The following ZC3H3 variants were observed in gnomAD, a reference collection of about 807,000 sequenced individuals.
ZC3H3 encodes zinc finger CCCH domain-containing protein 3.
Under a neutral mutation model 77.3 loss-of-function variants are expected in ZC3H3, and 36 were observed. The ratio of observed to expected loss-of-function variants is 0.47; its 90% CI spans 0.36 to 0.61. ZC3H3 has a LOEUF of 0.61. ZC3H3 is among the 20% of genes least tolerant of loss of function. ZC3H3 has a pLI of 0.00. For synonymous variants in ZC3H3, 626 were observed against 555.2 expected (o/e 1.13, Z -1.79); for missense variants, 1,331 against 1,312.2 (o/e 1.01, Z -0.22).
chr8:143,453,261 T>A (rs1035659797), intron 9 of ZC3H3, among the ~76,000 whole-genome samples: 1 of 21,452 alleles, frequency 4.7e-5, no homozygotes, highest in Non-Finnish European at 1.2e-4. Context: ...TTTTTTTGTT[T>A]TTTTTTTTAA....
At chr8:143,501,684 C>T (rs541733818) in intron 4 of ZC3H3, among the ~76,000 whole-genome samples, 18 of 150,960 alleles carry the variant, frequency 1.2e-4, no homozygotes, top group African/African-American at 3.7e-4. Context: ...ATTCATCCCA[C>T]GGTCCTCTGA....
chr8:143,447,203 G>T (rs1819881913), intron 9 of ZC3H3, among the ~76,000 whole-genome samples: 1 of 152,162 alleles, frequency 6.6e-6, no homozygotes, highest in Non-Finnish European at 1.5e-5. Flanking sequence ...TTCTCTCCTG[G>T]GGGTGAGGCC....
intron 4 of ZC3H3, among the ~76,000 whole-genome samples, chr8:143,483,570 G>A (rs1221487526): frequency 2.0e-5 from 3 of 152,310 alleles, no homozygotes; most frequent in South Asian, 2.1e-4. Flanking sequence ...GAGCAGAGGC[G>A]TGCAGTGGGG....
At chr8:143,513,851 C>T (rs573354618) in intron 3 of ZC3H3, among the ~76,000 whole-genome samples, 1 of 152,344 alleles carries the variant, frequency 6.6e-6, no homozygotes, top group African/African-American at 2.4e-5. Context: ...TCCTCACAGC[C>T]TTTGCTGAGG....
intron 3 of ZC3H3, chr8:143,523,287 A>G: frequency 1.0e-6 from 1 of 983,914 alleles, no homozygotes; most frequent in Non-Finnish European, 1.2e-6. Flanking sequence ...GGGCTATAGC[A>G]AAGACAGACG....
chr8:143,507,922 A>G (rs1439270513), intron 3 of ZC3H3, 23 bp from the exon 4 acceptor site: 1 of 1,562,746 alleles, frequency 6.4e-7, no homozygotes, highest in Non-Finnish European at 8.7e-7. Flanking sequence ...CCCAGGGCAC[A>G]GACATGGGTC....
intron 2 of ZC3H3, among the ~76,000 whole-genome samples, chr8:143,536,843 G>A (rs1822816392): frequency 6.6e-6 from 1 of 152,122 alleles, no homozygotes; most frequent in Non-Finnish European, 1.5e-5. Context: ...GGCCCCAAGT[G>A]GCCTGCCAAG....
At chr8:143,508,907 C>CAGG (rs776393752) in intron 3 of ZC3H3, among the ~76,000 whole-genome samples, 7 of 152,200 alleles carry the variant, frequency 4.6e-5, no homozygotes, top group Admixed American at 6.5e-5. Flanking sequence ...TGGACAGGAC[C>CAGG]AGTAACTGTT....
chr8:143,487,854 C>A (rs111324022), intron 4 of ZC3H3, among the ~76,000 whole-genome samples: 17 of 7,310 alleles, frequency 2.3e-3, no homozygotes, highest in East Asian at 4.1e-3. Context: ...AGCACCCGCT[C>A]CACGGCCCCA....
At chr8:143,473,791 G>C (rs1820646717) in intron 5 of ZC3H3, among the ~76,000 whole-genome samples, 1 of 152,216 alleles carries the variant, frequency 6.6e-6, no homozygotes, top group Non-Finnish European at 1.5e-5. Context: ...CACTGGTCAG[G>C]GTCCCTGTTG....
At chr8:143,471,973 G>A (rs59809057) in intron 5 of ZC3H3, among the ~76,000 whole-genome samples, 33,430 of 152,248 alleles carry the variant, frequency 0.22, 3,708 homozygotes, top group Middle Eastern at 0.28. Flanking sequence ...CCCAAAGGGC[G>A]AGTGCGGCCT....
Position 143,539,124 on chromosome 8 carries a change from C to G in ZC3H3, c.243G>C (p.Pro81=). The G allele has an allele frequency of 6.2e-7, 1 of 1,612,902 alleles. No individual in the cohort carries two copies. Among genetic ancestry groups the G allele is most frequent in the Non-Finnish European group, 8.5e-7 (1 of 1,179,974 alleles). Residue 81 remains proline, a synonymous_variant, in exon 2 of 12, where the codon CCG becomes CCC. Coordinates refer to ENST00000262577, the MANE Select transcript of ZC3H3 (RefSeq NM_015117.3). ...RKKYSLVNRP[P]GPSDPPADHA... is the part of the protein sequence containing the mutation. ...GGTCGGCAGGAGGGTCTGAGGGTCC[C>G]GGGGGCCGATTCACGAGGGAGTATT...
chr8:143,519,290 G>C (rs913948697), intron 3 of ZC3H3, among the ~76,000 whole-genome samples: 1 of 152,128 alleles, frequency 6.6e-6, no homozygotes, highest in South Asian at 2.1e-4. Flanking sequence ...CCTGGCCAAT[G>C]CCCTGGGGCT....
In ZC3H3 at chr8:143,440,126, A is replaced by G. The variant is rs1478866783; in HGVS notation, c.2730T>C (p.Pro910=). ...GCGAGGACTGCAGGGAGATGAAGGA[A>G]GGCAGCTTGCAGAGCCTGTTGGAGC... ...AACSNRLCKL[P]SFISLQSSPS... Residue 910 remains proline, a synonymous_variant, in exon 11 of 12, where the codon CCT becomes CCC. Transcript: ENST00000262577. 1 of 1,611,196 alleles carries G rather than the reference A, an allele frequency of 6.2e-7. No homozygotes were observed. The highest frequency in any genetic ancestry group is 8.5e-7 in the Non-Finnish European group (1 of 1,179,552).
intron 4 of ZC3H3, among the ~76,000 whole-genome samples, chr8:143,479,940 G>C (rs405035): frequency 0.31 from 47,348 of 152,156 alleles, 7,627 homozygotes; most frequent in South Asian, 0.42. Flanking sequence ...CTGGAAACTT[G>C]CAGGCCAGAG....
chr8:143,463,341 G>A (rs1020713268), intron 9 of ZC3H3, among the ~76,000 whole-genome samples: 2 of 152,256 alleles, frequency 1.3e-5, no homozygotes, highest in Non-Finnish European at 2.9e-5. Flanking sequence ...TCCCAGAGCC[G>A]CCGGGTGCTG....
intron 3 of ZC3H3, among the ~76,000 whole-genome samples, chr8:143,534,642 C>CAGAGCTGGA (rs1822734072): frequency 2.1e-5 from 2 of 96,218 alleles, no homozygotes; most frequent in Non-Finnish European, 5.0e-5. Flanking sequence ...GGACACCTCC[C>CAGAGCTGGA]CAACCCCTCC....
At chr8:143,455,084 G>A (rs558682468) in intron 9 of ZC3H3, among the ~76,000 whole-genome samples, 1 of 151,750 alleles carries the variant, frequency 6.6e-6, no homozygotes, top group East Asian at 1.9e-4. Flanking sequence ...GGGAGGCCAA[G>A]ACGGGTGGAT....
At chr8:143,474,548 A>C (rs1335557057) in intron 5 of ZC3H3, among the ~76,000 whole-genome samples, 1 of 152,166 alleles carries the variant, frequency 6.6e-6, no homozygotes, top group Non-Finnish European at 1.5e-5. Context: ...GCGGCCAGTG[A>C]GGCTGGCTTC....
Sources: allele counts gnomAD v4.1 joint callset (sites outside exome capture counted in the v4.1 genomes callset), GRCh38; gene constraint gnomAD v4.1.1; transcripts MANE v1.5; gene names NCBI Gene and HGNC (gene_info 2026-07-23, HGNC 2026-07-21).